Variants in ADCK1 observed in about 807,000 individuals in gnomAD.
ADCK1 encodes the protein aarF domain containing kinase 1.
Under a neutral mutation model 52.3 loss-of-function variants are expected in ADCK1, and 41 were observed. That is an observed-to-expected ratio of 0.78 (90% CI 0.61 to 1.02). The LOEUF is 1.02. Ranked by LOEUF, ADCK1 falls within the 50% of genes least tolerant of loss-of-function variation. ADCK1 has a pLI of 0.00. For synonymous variants in ADCK1, 250 were observed against 274.6 expected (o/e 0.91, Z 0.89); for missense variants, 658 against 679.5 (o/e 0.97, Z 0.35).
At chr14:77,863,310 A>G (rs977654623) in intron 4 of ADCK1, among the ~76,000 whole-genome samples, 1 of 152,030 alleles carries the variant, frequency 6.6e-6, no homozygotes, top group Non-Finnish European at 1.5e-5. Flanking sequence ...AATGTGGGAG[A>G]TGAGGTCATC....
Position 77,809,788 on chromosome 14 carries a change from A to G in ADCK1, c.-11-9180A>G, listed in dbSNP as rs367637305. Among the ~76,000 whole-genome samples the G allele has an allele frequency of 2.6e-5, 4 of 151,638 alleles. No individual in the cohort carries two copies. In the South Asian group the frequency reaches 8.4e-4, roughly 32 times the overall value. ...GGTGGTTCAGGCCTGTAATCCCAGC[A>G]CTTTGGGAGGCCAAGGTGGGAGTAT... On this transcript the variant is annotated intron_variant, in intron 1 of 10. Coordinates refer to ENST00000238561, the MANE Select transcript of ADCK1 (RefSeq NM_020421.4).
Position 77,934,173 on chromosome 14 carries a change from G to A in ADCK1, c.*782G>A, listed in dbSNP as rs1217710831. 1 of 152,020 alleles carries A rather than the reference G, an allele frequency of 6.6e-6. No individual in the cohort carries two copies. The highest frequency in any genetic ancestry group is 1.5e-5 in the Non-Finnish European group (1 of 68,058). The allele number at this position is 152,020 out of a possible 1,614,324, so 9.4% of individuals were successfully genotyped here. On this transcript the variant is annotated 3_prime_UTR_variant, in exon 11 of 11. Transcript: ENST00000238561. ...CTACAATGCCCATTAGGTCAGAGTG[G>A]ACCTGAATCGAGTATTGGTGTGATC...
At chr14:77,874,826 T>C (rs2082863448) in intron 4 of ADCK1, among the ~76,000 whole-genome samples, 1 of 152,106 alleles carries the variant, frequency 6.6e-6, no homozygotes, top group South Asian at 2.1e-4. Flanking sequence ...ACACCTGTGG[T>C]AAGTGCCCTA....
intron 5 of ADCK1, among the ~76,000 whole-genome samples, chr14:77,897,136 C>T (rs2083428209): frequency 6.6e-6 from 1 of 152,184 alleles, no homozygotes; most frequent in East Asian, 1.9e-4. Flanking sequence ...AGGCCCACAG[C>T]TTGTTAGTTC....
chr14:77,833,559 A>G (rs1235712264), intron 3 of ADCK1, among the ~76,000 whole-genome samples: 1 of 152,200 alleles, frequency 6.6e-6, no homozygotes, highest in Non-Finnish European at 1.5e-5. Context: ...CTGTGAGTCT[A>G]GCACCTCCTT....
chr14:77,900,300 A>G (rs975544500), intron 6 of ADCK1, among the ~76,000 whole-genome samples: 1 of 151,864 alleles, frequency 6.6e-6, no homozygotes, highest in Non-Finnish European at 1.5e-5. Flanking sequence ...TTGAAATGGG[A>G]CGGAGGCTGG....
At chr14:77,861,349 T>C (rs985977598) in intron 4 of ADCK1, among the ~76,000 whole-genome samples, 1 of 152,074 alleles carries the variant, frequency 6.6e-6, no homozygotes, top group Non-Finnish European at 1.5e-5. Context: ...TGACACACTT[T>C]CCCAGTGTGT....
chr14:77,866,306 T>C (rs552848140), intron 4 of ADCK1, among the ~76,000 whole-genome samples: 38 of 152,226 alleles, frequency 2.5e-4, no homozygotes, highest in Non-Finnish European at 4.6e-4. Context: ...GTATATGTGG[T>C]CCGTTGTTGA....
chr14:77,883,571 C>T (rs1028542401), intron 4 of ADCK1, among the ~76,000 whole-genome samples: 9 of 152,098 alleles, frequency 5.9e-5, no homozygotes, highest in Admixed American at 3.9e-4. Flanking sequence ...TATAAGCCAG[C>T]TAGGAACATC....
rs543721631 is a variant in ADCK1 at position 77,888,466 on chromosome 14, G to A, written c.582+1217G>A. ...GAACCATTTAAGAATTTTAATCAGG[G>A]GACTGTCATGATCAGATTTGCATTA... On this transcript the variant is annotated intron_variant, in intron 5 of 10. Coordinates refer to ENST00000238561, the MANE Select transcript of ADCK1 (RefSeq NM_020421.4). Among the ~76,000 whole-genome samples, 3 of 152,150 alleles carry A rather than the reference G, an allele frequency of 2.0e-5. No individual in the cohort carries two copies. The East Asian group carries it at 5.8e-4, about 29-fold the overall frequency.
rs563475474 is a variant in ADCK1 at position 77,887,858 on chromosome 14, C to T, written c.582+609C>T. Among the ~76,000 whole-genome samples, 14 of 152,320 alleles carry T rather than the reference C, an allele frequency of 9.2e-5. 1 individual carries two copies. The highest frequency in any genetic ancestry group is 2.6e-4 in the Admixed American group (4 of 15,310). Reference sequence around the variant, plus strand: ...TTGAGTCAGTAGCCATCACCGCCTACGGGGAGGTCAGCAATCTGTTTAATT... The same window carrying T: ...TTGAGTCAGTAGCCATCACCGCCTATGGGGAGGTCAGCAATCTGTTTAATT... On this transcript the variant is annotated intron_variant, in intron 5 of 10. Coordinates refer to ENST00000238561, the MANE Select transcript of ADCK1 (RefSeq NM_020421.4).
intron 7 of ADCK1, among the ~76,000 whole-genome samples, chr14:77,919,990 T>C (rs1231282357): frequency 6.6e-6 from 1 of 152,236 alleles, no homozygotes; most frequent in Non-Finnish European, 1.5e-5. Flanking sequence ...ATTAGTCTTT[T>C]GTTCGATGCA....
chr14:77,887,397 A>T (rs971323561), intron 5 of ADCK1, 148 bp downstream of exon 5: 26 of 930,772 alleles, frequency 2.8e-5, no homozygotes, highest in African/African-American at 3.4e-5. Context: ...ACGACAGAGG[A>T]GGTGTTATGA....
intron 3 of ADCK1, among the ~76,000 whole-genome samples, chr14:77,831,496 G>T (rs1014100213): frequency 6.6e-6 from 1 of 152,174 alleles, no homozygotes; most frequent in African/African-American, 2.4e-5. Context: ...TAGGAACATA[G>T]GGTGTTTTGG....
chr14:77,923,962 G>A lies in ADCK1; in HGVS notation c.859-495G>A, dbSNP rs1414934124. 1 of 155,932 alleles carries A rather than the reference G, an allele frequency of 6.4e-6. No homozygotes were observed. The highest frequency in any genetic ancestry group is 2.4e-5 in the African/African-American group (1 of 41,416). The allele number at this position is 155,932 out of a possible 1,614,324, so 9.7% of individuals were successfully genotyped here. On this transcript the variant is annotated intron_variant, in intron 7 of 10. Coordinates refer to ENST00000238561, the MANE Select transcript of ADCK1 (RefSeq NM_020421.4). This position sits in a 1 kb window ranked among gnomAD's most constrained non-coding sequence, Gnocchi z 4.3. ...ACCTAGCACAGGCCTGGAGCAGGTG[G>A]GGCAGCCCCAGAGGAGGCGGTGGGG...
chr14:77,801,181 CA>C (rs1320915724), intron 1 of ADCK1, among the ~76,000 whole-genome samples: 2 of 152,220 alleles, frequency 1.3e-5, no homozygotes, highest in African/African-American at 2.4e-5. Context: ...TACTGGACCC[CA>C]TCCCCAAAGT....
intron 4 of ADCK1, among the ~76,000 whole-genome samples, chr14:77,860,145 C>T (rs2082512165): frequency 6.6e-6 from 1 of 152,196 alleles, no homozygotes; most frequent in South Asian, 2.1e-4. Context: ...CCGATCTTAT[C>T]CCTCCTTTGG....
chr14:77,846,995 C>G (rs931951138), intron 3 of ADCK1, among the ~76,000 whole-genome samples: 1 of 152,172 alleles, frequency 6.6e-6, no homozygotes, highest in Non-Finnish European at 1.5e-5. Flanking sequence ...GCAGTAACAT[C>G]ACTTGTGAGA....
chr14:77,817,385 G>C (rs12889788), intron 1 of ADCK1, among the ~76,000 whole-genome samples: 80,864 of 151,918 alleles, frequency 0.53, 23,106 homozygotes, highest in Middle Eastern at 0.66. Context: ...GCTGGTGCCT[G>C]CAAGTGGCTT....
Sources: gnomAD v4.1 joint callset for allele counts (sites outside exome capture counted in the v4.1 genomes callset) on GRCh38, gnomAD v4.1.1 for gene constraint, Gnocchi (gnomAD v3.1) non-coding constraint, MANE v1.5 for transcripts, NCBI Gene and HGNC (gene_info 2026-07-23, HGNC 2026-07-21) for gene names.